The following MORC4 variants were observed in gnomAD, a reference collection of about 807,000 sequenced individuals.
The protein encoded by MORC4 is MORC family CW-type zinc finger 4, also known as MORC family CW-type zinc finger protein 4.
In MORC4, 22 loss-of-function variants were observed where a neutral mutation model predicts 65.5. That is an observed-to-expected ratio of 0.34 (90% CI 0.24 to 0.48). MORC4 has a LOEUF of 0.48. MORC4 is among the 20% of genes least tolerant of loss of function. The pLI is 0.99. For missense variants in MORC4, 624 were observed against 703.0 expected (o/e 0.89, Z 1.27); for synonymous variants, 267 against 255.8 (o/e 1.04, Z -0.42).
In MORC4 at chrX:106,993,222, A is replaced by AT; in HGVS notation, c.308+7dup. 1 of 1,207,504 alleles carries AT rather than the reference A, an allele frequency of 8.3e-7. No homozygotes were observed. Among genetic ancestry groups the AT allele is most frequent in the Non-Finnish European group, 1.1e-6 (1 of 893,030 alleles). On this transcript the variant is annotated splice_region_variant and intron_variant, in intron 3 of 16. Transcript: ENST00000355610. The stretch of plus-strand genomic sequence containing the variant: ...AAGACAAGAAAAAGACAATGAAGAC[A>AT]TTTTTACCTGAGCATTCGGTGTAGT...
chrX:106,972,141 A>G lies in MORC4; in HGVS notation c.1157+4443T>C, dbSNP rs762693759. ...CACATGGAATACTATGCAGTCATAA[A>G]AAAGGATGAGTTCATGTCCTTTGCA... is the stretch of plus-strand genomic sequence containing the variant. On this transcript the variant is annotated intron_variant, in intron 9 of 16. Coordinates refer to ENST00000355610, the MANE Select transcript of MORC4 (RefSeq NM_024657.5). Among the ~76,000 whole-genome samples, 293 of 112,235 alleles carry G rather than the reference A, an allele frequency of 2.6e-3. 1 individual carries two copies. Among genetic ancestry groups the G allele is most frequent in the African/African-American group, 9.0e-3 (279 of 30,897 alleles).
intron 14 of MORC4, among the ~76,000 whole-genome samples, chrX:106,949,557 T>C (rs895350503): frequency 8.9e-6 from 1 of 112,371 alleles, no homozygotes; most frequent in African/African-American, 3.2e-5. Flanking sequence ...GTTTGCTTGG[T>C]TGTTTATTTA....
intron 9 of MORC4, among the ~76,000 whole-genome samples, chrX:106,973,550 G>C (rs1934566707): frequency 8.9e-6 from 1 of 112,065 alleles, no homozygotes; most frequent in Admixed American, 9.5e-5. Context: ...GACTGTGATA[G>C]ACATAATAAT....
chrX:106,992,907 T>C (rs1211943340), intron 3 of MORC4, among the ~76,000 whole-genome samples: 1 of 112,356 alleles, frequency 8.9e-6, no homozygotes, highest in African/African-American at 3.2e-5. Context: ...TCAGCTTAAA[T>C]ATCATTTTGT....
intron 9 of MORC4, among the ~76,000 whole-genome samples, chrX:106,974,984 CTAAG>C (rs1400007609): frequency 2.7e-5 from 3 of 111,213 alleles, no homozygotes; most frequent in African/African-American, 3.3e-5. Context: ...AGATGTTATG[CTAAG>C]TAAGTCAGAA....
chrX:106,961,864 A>T, intron 10 of MORC4, 148 bp downstream of exon 10: 1 of 479,431 alleles, frequency 2.1e-6, no homozygotes, highest in Non-Finnish European at 3.6e-6. Context: ...TGTAACACTC[A>T]CCACGAAGGT....
At chrX:106,981,897 T>G (rs1369363912) in intron 5 of MORC4, among the ~76,000 whole-genome samples, 1 of 111,983 alleles carries the variant, frequency 8.9e-6, no homozygotes, top group Non-Finnish European at 1.9e-5. Context: ...TTCAGACTAA[T>G]AAGACACTAA....
intron 10 of MORC4, among the ~76,000 whole-genome samples, chrX:106,958,818 T>C (rs180703800): frequency 4.4e-4 from 49 of 111,772 alleles, no homozygotes; most frequent in Admixed American, 1.4e-3. Context: ...AACAATAGGG[T>C]AATTTTAACT....
At chrX:106,978,622 A>G (rs866816050) in intron 7 of MORC4, among the ~76,000 whole-genome samples, 15 of 103,338 alleles carry the variant, frequency 1.5e-4, no homozygotes, top group South Asian at 4.0e-4. Flanking sequence ...ACACACACGC[A>G]CACACACACA....
intron 2 of MORC4, among the ~76,000 whole-genome samples, chrX:106,998,177 G>T (rs1235605930): frequency 8.9e-6 from 1 of 112,162 alleles, no homozygotes; most frequent in Non-Finnish European, 1.9e-5. Flanking sequence ...GCTTTGGATT[G>T]CCAGTTAACA....
At chrX:106,957,593 CTTA>C (rs1474784457) in intron 11 of MORC4, among the ~76,000 whole-genome samples, 3 of 111,816 alleles carry the variant, frequency 2.7e-5, no homozygotes, top group Non-Finnish European at 5.6e-5. Flanking sequence ...AGCACACTGA[CTTA>C]TTATTATGAA....
At chrX:106,962,579 A>G (rs1934276462) in intron 9 of MORC4, among the ~76,000 whole-genome samples, 1 of 111,858 alleles carries the variant, frequency 8.9e-6, no homozygotes, top group Non-Finnish European at 1.9e-5. Flanking sequence ...AATCAATCAA[A>G]TATTAACTCT....
intron 9 of MORC4, among the ~76,000 whole-genome samples, chrX:106,970,022 A>C (rs1934470186): frequency 9.0e-6 from 1 of 111,648 alleles, no homozygotes; most frequent in Non-Finnish European, 1.9e-5. Context: ...GAGACACAAC[A>C]AAAAAAGAAA....
chrX:106,979,579 G>A (rs769908441), intron 7 of MORC4, among the ~76,000 whole-genome samples: 57 of 110,815 alleles, frequency 5.1e-4, no homozygotes, highest in Non-Finnish European at 1.0e-3. Context: ...CAGTGACCTT[G>A]GGGGAAATTT....
intron 4 of MORC4, 55 bp downstream of exon 4, chrX:106,985,928 A>G: frequency 1.0e-6 from 1 of 996,195 alleles, no homozygotes; most frequent in Non-Finnish European, 1.4e-6. Context: ...AATCTAATCA[A>G]ACACTCAGAT....
chrX:106,960,647 T>C (rs1338859801), intron 10 of MORC4, among the ~76,000 whole-genome samples: 1 of 112,001 alleles, frequency 8.9e-6, no homozygotes, highest in Non-Finnish European at 1.9e-5. Context: ...TAAGTAAGCG[T>C]TCAATAATTA....
In MORC4 at chrX:106,941,969, A is replaced by G. The variant is rs1169909272; in HGVS notation, c.2629T>C (p.Tyr877His). The G allele has an allele frequency of 3.3e-6, 4 of 1,208,556 alleles. No individual in the cohort carries two copies. In the African/African-American group the frequency reaches 7.0e-5, roughly 21 times the overall value. ...AGGTCATCTCCCTCTGGGGTCCGGT[A>G]GGAGACCTGAGCCTTCTGCAGCATT... is the stretch of plus-strand genomic sequence containing the variant. ...LEMLQKAQVS[Y>H]RTPEGDDLER... Residue 877 changes from tyrosine to histidine, a missense_variant, in exon 16 of 17, where the codon TAC becomes CAC. Transcript: ENST00000355610.
At chrX:106,951,489 G>A (rs999336045) in intron 14 of MORC4, among the ~76,000 whole-genome samples, 2 of 110,307 alleles carry the variant, frequency 1.8e-5, no homozygotes, top group South Asian at 3.9e-4. Context: ...TCCCACCTCA[G>A]CCTCCAGAGT....
At chrX:106,969,746 C>T (rs1393980068) in intron 9 of MORC4, among the ~76,000 whole-genome samples, 1 of 111,621 alleles carries the variant, frequency 9.0e-6, no homozygotes, top group Non-Finnish European at 1.9e-5. Flanking sequence ...ATAAATTCCT[C>T]GACACATACA....
Sources: allele counts gnomAD v4.1 joint callset (sites outside exome capture counted in the v4.1 genomes callset), GRCh38; gene constraint gnomAD v4.1.1; transcripts MANE v1.5; gene names NCBI Gene and HGNC (gene_info 2026-07-23, HGNC 2026-07-21).